ZBTB40: variants seen among roughly 807,000 people sequenced by gnomAD.
ZBTB40 encodes zinc finger and BTB domain-containing protein 40.
Under a neutral mutation model 117.5 loss-of-function variants are expected in ZBTB40, and 60 were observed. That is an observed-to-expected ratio of 0.51 (90% CI 0.41 to 0.63). The LOEUF (loss-of-function observed/expected upper bound fraction) is 0.63, where lower values mean the gene tolerates loss of function less well. Ranked by LOEUF, ZBTB40 falls within the 30% of genes least tolerant of loss-of-function variation. The pLI is 0.00. For synonymous variants in ZBTB40, 525 were observed against 577.1 expected (o/e 0.91, Z 1.29); for missense variants, 1,287 against 1,498.5 (o/e 0.86, Z 2.33).
intron 1 of ZBTB40, among the ~76,000 whole-genome samples, chr1:22,463,321 G>A (rs557997534): frequency 1.3e-5 from 2 of 152,218 alleles, no homozygotes; most frequent in South Asian, 4.1e-4. Context: ...CATTAGATGG[G>A]TATCTGTGAA....
chr1:22,468,428 A>G (rs1569790849), intron 1 of ZBTB40, among the ~76,000 whole-genome samples: 1 of 94,462 alleles, frequency 1.1e-5, no homozygotes, highest in Non-Finnish European at 2.5e-5. Flanking sequence ...TGAATTATCT[A>G]TATTTTTCTT....
Position 22,487,853 on chromosome 1 carries a change from A to G in ZBTB40, c.-69-2027A>G, listed in dbSNP as rs182246421. Among the ~76,000 whole-genome samples the G allele has an allele frequency of 3.9e-5, 6 of 152,162 alleles. No homozygotes were observed. In the East Asian group the frequency reaches 7.7e-4, roughly 20 times the overall value. On this transcript the variant is annotated intron_variant, in intron 1 of 17. Transcript: ENST00000375647. ...ACCTCCAAGCTCGTAAGCATGGCCTATATATCCCTCTGTGGCCAACACCCC... is the reference window on the plus strand; with the variant it reads ...ACCTCCAAGCTCGTAAGCATGGCCTGTATATCCCTCTGTGGCCAACACCCC...
chr1:22,495,796 A>G (rs894587852), intron 3 of ZBTB40, among the ~76,000 whole-genome samples: 1 of 152,206 alleles, frequency 6.6e-6, no homozygotes, highest in African/African-American at 2.4e-5. Context: ...GATTACAGGC[A>G]TGAGCCACCG....
At chr1:22,477,041 C>A (rs970730213) in intron 1 of ZBTB40, among the ~76,000 whole-genome samples, 3 of 152,164 alleles carry the variant, frequency 2.0e-5, no homozygotes, top group African/African-American at 7.2e-5. Context: ...ATATTAGAGA[C>A]TTTTACATTT....
chr1:22,482,240 A>G (rs1216875508), intron 1 of ZBTB40, among the ~76,000 whole-genome samples: 3 of 152,222 alleles, frequency 2.0e-5, no homozygotes, highest in Non-Finnish European at 4.4e-5. Context: ...AATATTAGGT[A>G]CATGGTATAG....
chr1:22,462,537 A>C (rs114556324), intron 1 of ZBTB40, among the ~76,000 whole-genome samples: 1 of 152,218 alleles, frequency 6.6e-6, no homozygotes, highest in African/African-American at 2.4e-5. Context: ...TTTACGTTCC[A>C]CTTAGAATAT....
chr1:22,520,941 G>C (rs1304919854), intron 14 of ZBTB40, among the ~76,000 whole-genome samples: 1 of 152,238 alleles, frequency 6.6e-6, no homozygotes, highest in Non-Finnish European at 1.5e-5. Context: ...TTGAGCCCTA[G>C]GATGGCGTGG....
chr1:22,521,823 C>A (rs557817972), intron 15 of ZBTB40, among the ~76,000 whole-genome samples, 165 bp downstream of exon 15: 1 of 152,328 alleles, frequency 6.6e-6, no homozygotes, highest in South Asian at 2.1e-4. Flanking sequence ...TCAGTAGCAG[C>A]AGCTTGAGTG....
upstream of ZBTB40, among the ~76,000 whole-genome samples, chr1:22,449,511 C>T (rs1640830934): frequency 2.0e-5 from 3 of 152,142 alleles, no homozygotes; most frequent in South Asian, 6.2e-4. Context: ...CAAGTCAGCC[C>T]CATGAGAACT....
upstream of ZBTB40, among the ~76,000 whole-genome samples, chr1:22,450,396 C>T (rs1010346015): frequency 4.6e-5 from 7 of 152,330 alleles, no homozygotes; most frequent in South Asian, 2.1e-4. Flanking sequence ...CAGCTGTAGG[C>T]GTGGTTCCAG....
chr1:22,513,781 CACAGACGTAA>C lies in ZBTB40; in HGVS notation c.2668+654_2668+663del, dbSNP rs1242229815. ...ACAGACGACTGGGAATAGCTCTGTG[CACAGACGTAA>C]ACTGCTTACTGGGAGAGCTTCTGAA... On this transcript the variant is annotated intron_variant, in intron 12 of 17. Transcript: ENST00000375647. The surrounding 1 kb of genome is among the most constrained non-coding windows in gnomAD (Gnocchi z 4.9). Among the ~76,000 whole-genome samples the C allele has an allele frequency of 6.6e-6, 1 of 152,192 alleles. No homozygotes were observed. Among genetic ancestry groups the C allele is most frequent in the African/African-American group, 2.4e-5 (1 of 41,456 alleles).
chr1:22,446,268 T>C (rs1640788810), intron 1 of ZBTB40, among the ~76,000 whole-genome samples: 2 of 145,302 alleles, frequency 1.4e-5, no homozygotes, highest in Admixed American at 6.8e-5. Flanking sequence ...CAAAACAGAA[T>C]GTCCTAGAAC....
intron 2 of ZBTB40, 108 bp downstream of exon 2, chr1:22,490,753 AATT>A (rs1425172627): frequency 1.6e-6 from 2 of 1,283,834 alleles, no homozygotes; most frequent in East Asian, 2.5e-5. Context: ...AGAAAACCAA[AATT>A]CAGTGCAGTA....
At chr1:22,469,168 C>T (rs1373471618) in intron 1 of ZBTB40, among the ~76,000 whole-genome samples, 2 of 152,116 alleles carry the variant, frequency 1.3e-5, no homozygotes, top group African/African-American at 4.8e-5. Flanking sequence ...ACTGGTTTAT[C>T]ATTTATGTTT....
chr1:22,483,073 C>T (rs374317927), intron 1 of ZBTB40, among the ~76,000 whole-genome samples: 64 of 131,894 alleles, frequency 4.9e-4, no homozygotes, highest in African/African-American at 1.5e-3. Context: ...AGCAGGACTC[C>T]GTCTCAAAAA....
chr1:22,509,373 GT>G, intron 9 of ZBTB40, 140 bp downstream of exon 9: 2 of 1,264,308 alleles, frequency 1.6e-6, no homozygotes, highest in Non-Finnish European at 2.2e-6. Flanking sequence ...TTGAGACAGA[GT>G]CTTGCTCTGT....
At chr1:22,520,961 G>A (rs1187487240) in intron 14 of ZBTB40, among the ~76,000 whole-genome samples, 2 of 152,242 alleles carry the variant, frequency 1.3e-5, no homozygotes, top group Non-Finnish European at 2.9e-5. Context: ...GAATGGTAGG[G>A]AAAGTATTCC....
At chr1:22,451,653 A>AAAAAAAAG, upstream of ZBTB40, among the ~76,000 whole-genome samples, 1 of 152,072 alleles carries the variant, frequency 6.6e-6, no homozygotes, top group Non-Finnish European at 1.5e-5. Flanking sequence ...TCTCAAAAAA[A>AAAAAAAAG]AAAAAAAGAA....
At chr1:22,433,621 A>G (rs1378014881) in intron 1 of ZBTB40, among the ~76,000 whole-genome samples, 1 of 146,728 alleles carries the variant, frequency 6.8e-6, no homozygotes, top group Admixed American at 6.8e-5. Flanking sequence ...GGATTTTGAT[A>G]TACGGGGGTG....
Sources: gnomAD v4.1 joint callset for allele counts (sites outside exome capture counted in the v4.1 genomes callset) on GRCh38, gnomAD v4.1.1 for gene constraint, Gnocchi (gnomAD v3.1) non-coding constraint, MANE v1.5 for transcripts, NCBI Gene and HGNC (gene_info 2026-07-23, HGNC 2026-07-21) for gene names.